The following ADK variants were observed in gnomAD, a reference collection of about 807,000 sequenced individuals.
The protein encoded by ADK is N6,N6-dimethyladenosine kinase.
Under a neutral mutation model 44.7 loss-of-function variants are expected in ADK, and 24 were observed. That is an observed-to-expected ratio of 0.54 (90% CI 0.39 to 0.76). The LOEUF is 0.76. ADK is among the 30% of genes least tolerant of loss of function. The pLI is 0.00. For synonymous variants in ADK, 128 were observed against 142.6 expected (o/e 0.90, Z 0.73); for missense variants, 321 against 425.1 (o/e 0.76, Z 2.15).
At chr10:74,408,547 T>G (rs1844041401) in intron 6 of ADK, among the ~76,000 whole-genome samples, 1 of 152,118 alleles carries the variant, frequency 6.6e-6, no homozygotes, top group African/African-American at 2.4e-5. Context: ...CAGTAGAACC[T>G]TGAACAATGT....
At chr10:74,573,815 G>A (rs537008097) in intron 7 of ADK, among the ~76,000 whole-genome samples, 2 of 152,352 alleles carry the variant, frequency 1.3e-5, no homozygotes, top group East Asian at 3.9e-4. Flanking sequence ...CGAGCCAGGT[G>A]CGGGATATAA....
intron 3 of ADK, among the ~76,000 whole-genome samples, chr10:74,273,512 T>G (rs150231882): frequency 6.6e-5 from 10 of 151,920 alleles, no homozygotes; most frequent in Admixed American, 6.6e-4. Context: ...GGCTGGAGTG[T>G]GATGGCATGA....
intron 4 of ADK, among the ~76,000 whole-genome samples, chr10:74,347,537 C>T (rs1242493913): frequency 2.6e-5 from 4 of 151,810 alleles, no homozygotes; most frequent in Admixed American, 6.6e-5. Flanking sequence ...TTTTTCGTAC[C>T]CCAGTGGCAC....
In ADK at chr10:74,467,130, T is replaced by A. The variant is rs183744589; in HGVS notation, c.556-58126T>A. Among the ~76,000 whole-genome samples, 390 of 152,300 alleles carry A rather than the reference T, an allele frequency of 2.6e-3. 15 individuals carry two copies. The highest frequency in any genetic ancestry group is 1.7e-3 in the Non-Finnish European group (114 of 67,994). On this transcript the variant is annotated intron_variant, in intron 6 of 10. Transcript: ENST00000539909. ...CAGTGTAATTATAACCATCTTTTTT[T>A]AAAATTATTTCTTATATTAAACTAT...
At chr10:74,495,806 AT>A (rs1165874537) in intron 6 of ADK, among the ~76,000 whole-genome samples, 1 of 152,082 alleles carries the variant, frequency 6.6e-6, no homozygotes, top group East Asian at 1.9e-4. Context: ...GCTGTTAATT[AT>A]CTCCCTATTT....
At chr10:74,362,833 G>A (rs1842380368) in intron 4 of ADK, among the ~76,000 whole-genome samples, 2 of 152,232 alleles carry the variant, frequency 1.3e-5, no homozygotes, top group Non-Finnish European at 2.9e-5. Context: ...GGTTGACACA[G>A]CTTTCTGGCC....
intron 9 of ADK, among the ~76,000 whole-genome samples, chr10:74,612,928 G>A (rs1219140234): frequency 6.6e-6 from 1 of 152,040 alleles, no homozygotes; most frequent in Admixed American, 6.6e-5. Context: ...TTTAAGATCA[G>A]TTGGTTGTAG....
intron 7 of ADK, among the ~76,000 whole-genome samples, chr10:74,566,482 G>C (rs563503984): frequency 4.6e-5 from 7 of 152,026 alleles, no homozygotes; most frequent in African/African-American, 1.7e-4. Context: ...GATTACATGC[G>C]TGAGCCACCA....
chr10:74,367,779 A>G (rs1407912584), intron 4 of ADK, among the ~76,000 whole-genome samples: 1 of 151,972 alleles, frequency 6.6e-6, no homozygotes, highest in South Asian at 2.1e-4. Flanking sequence ...TTTGTTGTTG[A>G]TTTTTCTGTT....
intron 3 of ADK, among the ~76,000 whole-genome samples, chr10:74,293,267 G>A (rs185462620): frequency 6.7e-6 from 1 of 149,280 alleles, no homozygotes; most frequent in East Asian, 2.0e-4. Context: ...TTACAGAATT[G>A]ATACACACAA....
chr10:74,381,576 C>A (rs1012523430), intron 4 of ADK, among the ~76,000 whole-genome samples: 5 of 152,268 alleles, frequency 3.3e-5, no homozygotes, highest in Non-Finnish European at 7.4e-5. Context: ...TGAATTGAAT[C>A]CTTTTTGAAT....
At chr10:74,354,137 A>G (rs917057329) in intron 4 of ADK, among the ~76,000 whole-genome samples, 3 of 152,260 alleles carry the variant, frequency 2.0e-5, no homozygotes, top group Admixed American at 2.0e-4. Flanking sequence ...ACTGATTACT[A>G]CTGTTGAACA....
At chr10:74,448,918 A>T (rs1280949025) in intron 6 of ADK, among the ~76,000 whole-genome samples, 1 of 152,190 alleles carries the variant, frequency 6.6e-6, no homozygotes, top group Admixed American at 6.5e-5. Context: ...ATTAAAAAGC[A>T]GAGGCACACA....
intron 5 of ADK, among the ~76,000 whole-genome samples, chr10:74,394,560 T>G (rs1041884073): frequency 3.3e-5 from 5 of 152,198 alleles, no homozygotes; most frequent in African/African-American, 1.2e-4. Flanking sequence ...TTTTTATAAT[T>G]AGAATCAGAA....
intron 1 of ADK, among the ~76,000 whole-genome samples, chr10:74,180,909 C>T (rs1306886637): frequency 6.6e-6 from 1 of 152,190 alleles, no homozygotes; most frequent in East Asian, 1.9e-4. Flanking sequence ...AGCAGAGATA[C>T]TAATATGCAT....
chr10:74,288,825 G>A (rs1051783215), intron 3 of ADK, among the ~76,000 whole-genome samples: 7 of 152,162 alleles, frequency 4.6e-5, no homozygotes, highest in Non-Finnish European at 8.8e-5. Context: ...TATTACAGTA[G>A]AAAATAGGAT....
chr10:74,552,592 G>T (rs12259556), intron 7 of ADK, among the ~76,000 whole-genome samples: 6,985 of 151,106 alleles, frequency 0.046, 555 homozygotes, highest in African/African-American at 0.16. Context: ...GTGTGTAAAT[G>T]AATGCCTTAA....
At chr10:74,224,626 A>G (rs985249100) in intron 3 of ADK, 35 bp downstream of exon 3, 1 of 1,556,468 alleles carries the variant, frequency 6.4e-7, no homozygotes. Context: ...TAAATAGTTT[A>G]CTCTGTCTAT....
chr10:74,151,496 A>G (rs989219821), intron 1 of ADK, among the ~76,000 whole-genome samples, 153 bp downstream of exon 1: 4 of 151,818 alleles, frequency 2.6e-5, no homozygotes, highest in African/African-American at 9.7e-5. Context: ...CTTGGCCGCG[A>G]CCCCTTGCCA....
Sources: gnomAD v4.1 joint callset for allele counts (sites outside exome capture counted in the v4.1 genomes callset) on GRCh38, gnomAD v4.1.1 for gene constraint, MANE v1.5 for transcripts, NCBI Gene and HGNC (gene_info 2026-07-23, HGNC 2026-07-21) for gene names.